The following DNM2 variants were observed in gnomAD, a reference collection of about 807,000 sequenced individuals.
DNM2 encodes dynamin-2.
In DNM2, 15 loss-of-function variants were observed where a neutral mutation model predicts 99.0. The observed-to-expected ratio is 0.15, with a 90% confidence interval of 0.10 to 0.23. DNM2 has a LOEUF of 0.23. DNM2 is among the 10% of genes least tolerant of loss of function. The pLI is 1.00. For missense variants in DNM2, 742 were observed against 1,189.4 expected (o/e 0.62, Z 5.53); for synonymous variants, 525 against 481.2 (o/e 1.09, Z -1.19).
In DNM2 at chr19:10,814,884, G is replaced by T. The variant is rs557819919; in HGVS notation, c.1671+2507G>T. On this transcript the variant is annotated intron_variant, in intron 15 of 20. Coordinates refer to ENST00000389253, the MANE Select transcript of DNM2 (RefSeq NM_001005361.3). ...CATGGCTTAGTGGCCTGGAAGGGAA[G>T]CCACTTCTGTGTGATAGCTTGTTGC... Among the ~76,000 whole-genome samples the T allele has an allele frequency of 5.9e-5, 9 of 152,346 alleles. No individual in the cohort carries two copies. The South Asian group carries it at 1.9e-3, about 32-fold the overall frequency.
intron 2 of DNM2, among the ~76,000 whole-genome samples, chr19:10,767,669 G>T (rs1044756585): frequency 8.5e-5 from 13 of 152,200 alleles, no homozygotes; most frequent in Admixed American, 3.3e-4. Context: ...ACTTTGGGAG[G>T]CCGAGGTGGG....
chr19:10,740,077 TATC>T lies in DNM2; in HGVS notation c.162-19657_162-19655del, dbSNP rs1229055942. Among the ~76,000 whole-genome samples, 8 of 152,208 alleles carry T rather than the reference TATC, an allele frequency of 5.3e-5. No homozygotes were observed. In the South Asian group the frequency reaches 1.2e-3, roughly 24 times the overall value. ...TTAATTTGTTAGAATAGTATTCCCT[TATC>T]ATCTTTTTTATTTCTGAAAGGTTGG... On this transcript the variant is annotated intron_variant, in intron 1 of 20. Coordinates refer to ENST00000389253, the MANE Select transcript of DNM2 (RefSeq NM_001005361.3).
intron 1 of DNM2, among the ~76,000 whole-genome samples, chr19:10,734,569 G>A (rs547336646): frequency 6.8e-6 from 1 of 146,684 alleles, no homozygotes; most frequent in South Asian, 2.2e-4. Flanking sequence ...AGCCCTGGAG[G>A]TTGAGGCTGC....
intron 1 of DNM2, among the ~76,000 whole-genome samples, chr19:10,745,671 T>A (rs1599464824): frequency 1.3e-5 from 2 of 152,298 alleles, no homozygotes; most frequent in East Asian, 1.9e-4. Context: ...CACTCCAGCC[T>A]GGATGACAGA....
intron 7 of DNM2, among the ~76,000 whole-genome samples, chr19:10,788,269 G>A (rs985356056): frequency 2.6e-5 from 4 of 151,828 alleles, no homozygotes; most frequent in Non-Finnish European, 5.9e-5. Context: ...AGTGTCAGGC[G>A]AAGACCTGAA....
chr19:10,764,410 A>G lies in DNM2; in HGVS notation c.235+4599A>G, dbSNP rs559717649. On this transcript the variant is annotated intron_variant, in intron 2 of 20. Coordinates refer to ENST00000389253, the MANE Select transcript of DNM2 (RefSeq NM_001005361.3). The surrounding 1 kb of genome is among the most constrained non-coding windows in gnomAD (Gnocchi z 4.1). ...CCCTCATTCCAGCCATCCCCAGTGA[A>G]CCATAACTTCCAGCCATAGAAGTTT... 1.3e-5 allele frequency among the ~76,000 whole-genome samples: 2 copies of G among 152,306 alleles called. No individual in the cohort carries two copies. The highest frequency in any genetic ancestry group is 4.8e-5 in the African/African-American group (2 of 41,550).
Position 10,805,984 on chromosome 19 carries a change from C to A in DNM2, c.1545+17C>A, listed in dbSNP as rs943090537. On this transcript the variant is annotated intron_variant, in intron 13 of 20. Transcript: ENST00000389253. ...CCCAATCAGGTAGCACACCCCTCTG[C>A]AGTCTCCCGCTCTACCCTGGGGGCG... 2 of 1,614,152 alleles carry A rather than the reference C, an allele frequency of 1.2e-6. No homozygotes were observed. The highest frequency in any genetic ancestry group is 1.7e-6 in the Non-Finnish European group (2 of 1,180,020).
At chr19:10,763,812 C>T (rs2070711593) in intron 2 of DNM2, among the ~76,000 whole-genome samples, 1 of 152,076 alleles carries the variant, frequency 6.6e-6, no homozygotes. Context: ...GGCGGGAGAC[C>T]ACTGGCTGCC....
At chr19:10,827,223 GTTC>G (rs911127993) in intron 18 of DNM2, among the ~76,000 whole-genome samples, 1 of 152,094 alleles carries the variant, frequency 6.6e-6, no homozygotes, top group African/African-American at 2.4e-5. Context: ...GACATATACG[GTTC>G]TTCTGCTATG....
chr19:10,738,602 C>T (rs1239048027), intron 1 of DNM2, among the ~76,000 whole-genome samples: 1 of 152,136 alleles, frequency 6.6e-6, no homozygotes, highest in Non-Finnish European at 1.5e-5. Context: ...TGGCTCACGC[C>T]TGTGATCCCA....
intron 8 of DNM2, among the ~76,000 whole-genome samples, chr19:10,794,736 C>A (rs1035619313): frequency 6.6e-6 from 1 of 150,736 alleles, no homozygotes; most frequent in South Asian, 2.1e-4. Flanking sequence ...CAGAGCCAGA[C>A]CCTATCTCAA....
chr19:10,830,206 C>T lies in DNM2; in HGVS notation c.2371C>T (p.Pro791Ser), dbSNP rs758644162. Residue 791 changes from proline (P) to serine (S), a missense_variant, in exon 20 of 21, where the codon CCC (proline) becomes TCC (serine). Pro to Ser is a moderately conservative substitution (Grantham distance 74). Coordinates refer to ENST00000389253, the MANE Select transcript of DNM2 (RefSeq NM_001005361.3). This position sits in a 1 kb window ranked among gnomAD's most constrained non-coding sequence, Gnocchi z 4.8. ...AGCAGTGAGGGGCCCCACTCCAGGG[C>T]CCCCCCTGATTCCTGTTCCCGTGGG... ...PPAVRGPTPG[P>S]PLIPVPVGAA... 1.1e-5 allele frequency: 18 copies of T among 1,612,780 alleles called. No individual in the cohort carries two copies. The highest frequency in any genetic ancestry group is 1.4e-5 in the Non-Finnish European group (17 of 1,178,894).
At chr19:10,813,316 G>A (rs935543398) in intron 15 of DNM2, among the ~76,000 whole-genome samples, 2 of 152,164 alleles carry the variant, frequency 1.3e-5, no homozygotes, top group Non-Finnish European at 2.9e-5. Flanking sequence ...ACTGCCAACC[G>A]GCCTCTGCTC....
chr19:10,801,201 A>AAG (rs2072127753), intron 11 of DNM2, among the ~76,000 whole-genome samples: 1 of 152,098 alleles, frequency 6.6e-6, no homozygotes. Flanking sequence ...AGCTACTCGG[A>AAG]AGACTGAGGC....
Position 10,775,557 on chromosome 19 carries a change from A to G in DNM2, c.386-146A>G, listed in dbSNP as rs2071125796. 1.2e-6 allele frequency: 1 copy of G among 868,152 alleles called. No homozygotes were observed. The highest frequency in any genetic ancestry group is 2.0e-6 in the Non-Finnish European group (1 of 511,170). The allele number at this position is 868,152 out of a possible 1,614,324, so 53.8% of individuals were successfully genotyped here. A position where few individuals can be genotyped will look rare whatever the true frequency, so the allele number is the denominator to read the frequency against. Reference sequence around the variant, plus strand: ...TCCTAGAAGGGGAGTTACTGGATCAAAGGTGTGGTTCAGGCAGAGTGTCAG... The same window carrying G: ...TCCTAGAAGGGGAGTTACTGGATCAGAGGTGTGGTTCAGGCAGAGTGTCAG... On this transcript the variant is annotated intron_variant, in intron 3 of 20. Coordinates refer to ENST00000389253, the MANE Select transcript of DNM2 (RefSeq NM_001005361.3). The surrounding 1 kb of genome is among the most constrained non-coding windows in gnomAD (Gnocchi z 4.3).
chr19:10,824,898 C>T, intron 17 of DNM2, 159 bp from the exon 18 acceptor site: 1 of 1,155,970 alleles, frequency 8.7e-7, no homozygotes, highest in East Asian at 2.4e-5. Flanking sequence ...GTTTGGGCAG[C>T]TCTGGCCCAG....
intron 1 of DNM2, among the ~76,000 whole-genome samples, chr19:10,733,197 T>G (rs1297265601): frequency 2.0e-5 from 3 of 149,108 alleles, no homozygotes; most frequent in Non-Finnish European, 3.0e-5. Context: ...TGTGGTTTTT[T>G]TTTTTTTTTT....
chr19:10,720,881 C>T (rs2068916514), intron 1 of DNM2, among the ~76,000 whole-genome samples: 1 of 152,192 alleles, frequency 6.6e-6, no homozygotes, highest in Non-Finnish European at 1.5e-5. Context: ...ACGTTACACA[C>T]TTAAGCCTTA....
intron 7 of DNM2, among the ~76,000 whole-genome samples, chr19:10,789,282 C>T (rs143990140): frequency 6.6e-6 from 1 of 152,270 alleles, no homozygotes; most frequent in Non-Finnish European, 1.5e-5. Flanking sequence ...GTGGAGGATT[C>T]AGCCTAAGGG....
Sources: allele counts gnomAD v4.1 joint callset (sites outside exome capture counted in the v4.1 genomes callset), GRCh38; gene constraint gnomAD v4.1.1; non-coding constraint Gnocchi (gnomAD v3.1); transcripts MANE v1.5; gene names NCBI Gene and HGNC (gene_info 2026-07-23, HGNC 2026-07-21).